RPS6KC1: variants seen among roughly 807,000 people sequenced by gnomAD.
RPS6KC1 encodes ribosomal protein S6 kinase C1, also known as inactive ribosomal protein S6 kinase delta-1.
Under a neutral mutation model 103.8 loss-of-function variants are expected in RPS6KC1, and 54 were observed. The observed-to-expected ratio is 0.52, with a 90% confidence interval of 0.42 to 0.65. RPS6KC1 has a LOEUF of 0.65. RPS6KC1 is among the 30% of genes least tolerant of loss of function. The probability of loss-of-function intolerance (pLI) is 0.00; values close to 1 mark genes in which losing one functional copy is unlikely to be tolerated. For synonymous variants in RPS6KC1, 439 were observed against 438.7 expected (o/e 1.00, Z -0.01); for missense variants, 1,151 against 1,253.8 (o/e 0.92, Z 1.24).
chr1:213,408,075 G>A, the RPS6KC1 span, among the ~76,000 whole-genome samples: 1 of 152,270 alleles, frequency 6.6e-6, no homozygotes, highest in African/African-American at 2.4e-5. Context: ...AGCACAGGGA[G>A]ACACCAGGAC....
chr1:213,391,019 C>T, the RPS6KC1 span, among the ~76,000 whole-genome samples: 1 of 151,932 alleles, frequency 6.6e-6, no homozygotes, highest in Admixed American at 6.6e-5. Context: ...TTTTTTCCCC[C>T]CATCTAATTG....
chr1:213,156,903 G>T (rs1040169122), intron 6 of RPS6KC1, among the ~76,000 whole-genome samples: 1 of 151,974 alleles, frequency 6.6e-6, no homozygotes, highest in Admixed American at 6.6e-5. Context: ...TGTTTTCTCT[G>T]TATTTCTTCT....
At chr1:213,684,572 T>C in the RPS6KC1 span, among the ~76,000 whole-genome samples, 150,908 of 152,318 alleles carry the variant, frequency 0.99, 74,762 homozygotes, top group Middle Eastern at 1. Flanking sequence ...CTTGAGGAAC[T>C]GTCCCCATGC....
the RPS6KC1 span, among the ~76,000 whole-genome samples, chr1:213,289,253 CAAAAAAAAAAAAA>C: frequency 1.0e-4 from 8 of 77,096 alleles, no homozygotes; most frequent in African/African-American, 2.1e-4. Flanking sequence ...GTTGGATGCT[CAAAAAAAAAAAAA>C]AAAAAAAAAA....
chr1:213,589,938 GGTGTGT>G, the RPS6KC1 span, among the ~76,000 whole-genome samples: 393 of 132,758 alleles, frequency 3.0e-3, no homozygotes, highest in Middle Eastern at 8.0e-3. Context: ...AAAAGGTAGT[GGTGTGT>G]GTGTGTGTGT....
chr1:213,556,015 A>G, the RPS6KC1 span, among the ~76,000 whole-genome samples: 8 of 152,356 alleles, frequency 5.3e-5, no homozygotes, highest in East Asian at 1.9e-4. Flanking sequence ...CTAGTATTAC[A>G]TGAAGTCTTC....
chr1:213,754,373 A>G, the RPS6KC1 span, among the ~76,000 whole-genome samples: 3 of 152,166 alleles, frequency 2.0e-5, no homozygotes, highest in African/African-American at 7.2e-5. Flanking sequence ...GGCCCTTGAT[A>G]TGGTTTGGAT....
intron 14 of RPS6KC1, among the ~76,000 whole-genome samples, chr1:213,270,732 A>G (rs1057436815): frequency 1.3e-5 from 2 of 152,236 alleles, no homozygotes; most frequent in African/African-American, 4.8e-5. Context: ...ATATATAAAG[A>G]ACTCTTGTAA....
At chr1:213,359,696 C>T in the RPS6KC1 span, among the ~76,000 whole-genome samples, 41 of 152,214 alleles carry the variant, frequency 2.7e-4, no homozygotes, top group South Asian at 1.2e-3. Context: ...TGGCTGGTAC[C>T]GGTTGTTCCT....
the RPS6KC1 span, among the ~76,000 whole-genome samples, chr1:213,804,179 A>AC: frequency 3.2e-4 from 48 of 148,948 alleles, no homozygotes; most frequent in African/African-American, 1.2e-3. Context: ...ATCTTAAAAA[A>AC]AAAAAAAAAA....
chr1:213,458,621 C>T, the RPS6KC1 span, among the ~76,000 whole-genome samples: 1 of 152,094 alleles, frequency 6.6e-6, no homozygotes, highest in Admixed American at 6.6e-5. Context: ...TGTCTGATTG[C>T]CCTGGCCAGA....
intron 8 of RPS6KC1, among the ~76,000 whole-genome samples, chr1:213,192,725 A>AT (rs2092793343): frequency 6.6e-6 from 1 of 151,910 alleles, no homozygotes; most frequent in South Asian, 2.1e-4. Context: ...AATCTTTATT[A>AT]TTTCTTTTCT....
At chr1:213,463,206 T>C in the RPS6KC1 span, among the ~76,000 whole-genome samples, 2 of 152,156 alleles carry the variant, frequency 1.3e-5, no homozygotes, top group African/African-American at 2.4e-5. Context: ...AGAGAGTCAA[T>C]GTTGAAAATT....
Position 213,071,191 on chromosome 1 carries a change from G to A in RPS6KC1, c.141+150G>A, listed in dbSNP as rs964229694. 8.8e-5 allele frequency: 43 copies of A among 486,046 alleles called. No homozygotes were observed. In the East Asian group the frequency reaches 9.0e-4, roughly 10 times the overall value. 30.1% of individuals were successfully genotyped at this position (486,046 alleles called of 1,614,324 possible). A position where few individuals can be genotyped will look rare whatever the true frequency, so the allele number is the denominator to read the frequency against. ...GTTGCTCAGGCTGGAGTGCAGTGGC[G>A]CAATCTCGGCTCACTGCAACCTCTG... On this transcript the variant is annotated intron_variant, in intron 2 of 14. Transcript: ENST00000366960.
At chr1:213,708,574 C>T in the RPS6KC1 span, among the ~76,000 whole-genome samples, 1 of 152,176 alleles carries the variant, frequency 6.6e-6, no homozygotes, top group Non-Finnish European at 1.5e-5. Flanking sequence ...TTGGCCAGAA[C>T]TTCCAATACT....
chr1:213,207,682 T>C (rs2093390910), intron 8 of RPS6KC1, among the ~76,000 whole-genome samples: 1 of 152,052 alleles, frequency 6.6e-6, no homozygotes, highest in Admixed American at 6.5e-5. Flanking sequence ...TTTTTTTGTT[T>C]GTTTGTTTTG....
Position 213,051,411 on chromosome 1 carries a change from T to A in RPS6KC1, c.7T>A (p.Ser3Thr). The A allele has an allele frequency of 6.2e-7, 1 of 1,612,274 alleles. No individual in the cohort carries two copies. The highest frequency in any genetic ancestry group is 8.5e-7 in the Non-Finnish European group (1 of 1,179,294). Residue 3 changes from serine (S) to threonine (T), a missense_variant, in exon 1 of 15, where the codon TCT (serine) becomes ACT (threonine). By Grantham distance (58) the Ser-to-Thr change is moderately conservative. Coordinates refer to ENST00000366960, the MANE Select transcript of RPS6KC1 (RefSeq NM_012424.6). MT[S>T]YRERSADLAR... ...CGGCAGAGGCGGCGGGAGGATGACCTCTTACCGGGAGCGGAGTGCCGACCT... is the reference window on the plus strand; with the variant it reads ...CGGCAGAGGCGGCGGGAGGATGACCACTTACCGGGAGCGGAGTGCCGACCT...
chr1:213,365,541 G>A, the RPS6KC1 span, among the ~76,000 whole-genome samples: 1 of 152,242 alleles, frequency 6.6e-6, no homozygotes, highest in Non-Finnish European at 1.5e-5. Flanking sequence ...CTGTTTCCCA[G>A]GGGAGTGGTA....
At chr1:213,450,906 C>A in the RPS6KC1 span, among the ~76,000 whole-genome samples, 1 of 151,726 alleles carries the variant, frequency 6.6e-6, no homozygotes, top group African/African-American at 2.4e-5. Flanking sequence ...CCCCGGGAGG[C>A]GGATGTTGCA....
Sources: allele counts gnomAD v4.1 joint callset (sites outside exome capture counted in the v4.1 genomes callset), GRCh38; gene constraint gnomAD v4.1.1; transcripts MANE v1.5; gene names NCBI Gene and HGNC (gene_info 2026-07-23, HGNC 2026-07-21).